Variants in ARSG observed in about 807,000 individuals in gnomAD.
The protein encoded by ARSG is ASG.
A neutral mutation model predicts 50.5 loss-of-function variants in ARSG; 37 were observed. The observed-to-expected ratio is 0.73, with a 90% CI of 0.56 to 0.96. The LOEUF is 0.96. Ranked by LOEUF, ARSG falls within the 50% of genes least tolerant of loss-of-function variation. The pLI is 0.00. For missense variants in ARSG, 629 were observed against 675.3 expected (o/e 0.93, Z 0.76); for synonymous variants, 225 against 254.6 (o/e 0.88, Z 1.11).
chr17:68,347,204 G>C (rs1321408698), intron 4 of ARSG, 32 bp downstream of exon 4: 10 of 1,606,466 alleles, frequency 6.2e-6, no homozygotes, highest in Non-Finnish European at 8.5e-6. Context: ...TGTTACCTGG[G>C]AAACAGAAAA....
At chr17:68,341,369 C>G (rs1231007078) in intron 2 of ARSG, among the ~76,000 whole-genome samples, 1 of 152,172 alleles carries the variant, frequency 6.6e-6, no homozygotes, top group African/African-American at 2.4e-5. Context: ...CAACATAGTC[C>G]AGAGATACTT....
intron 8 of ARSG, among the ~76,000 whole-genome samples, chr17:68,382,668 G>GT (rs888922418): frequency 1.3e-5 from 2 of 152,148 alleles, no homozygotes; most frequent in African/African-American, 4.8e-5. Flanking sequence ...TCAGATCTTT[G>GT]TAAGTTTTGT....
chr17:68,410,997 A>G (rs2081972491), intron 11 of ARSG, among the ~76,000 whole-genome samples: 1 of 151,788 alleles, frequency 6.6e-6, no homozygotes, highest in South Asian at 2.1e-4. Flanking sequence ...TATTGCATCT[A>G]TTTGATTCTT....
chr17:68,302,714 AATC>A (rs1339506607), intron 1 of ARSG, among the ~76,000 whole-genome samples: 1 of 152,262 alleles, frequency 6.6e-6, no homozygotes, highest in East Asian at 1.9e-4. Context: ...GAAGAATAGG[AATC>A]ATGGGTAAAG....
intron 2 of ARSG, among the ~76,000 whole-genome samples, chr17:68,313,394 G>A (rs1451457975): frequency 6.6e-6 from 1 of 152,100 alleles, no homozygotes; most frequent in Non-Finnish European, 1.5e-5. Flanking sequence ...CTGGATTCTG[G>A]TGCCTGCTGG....
intron 11 of ARSG, among the ~76,000 whole-genome samples, chr17:68,410,074 A>G (rs796627591): frequency 6.7e-6 from 1 of 150,240 alleles, no homozygotes; most frequent in Non-Finnish European, 1.5e-5. Context: ...GCAAACAGGG[A>G]CAATTTGACT....
chr17:68,280,980 A>G (rs8065158), intron 1 of ARSG, among the ~76,000 whole-genome samples: 75,950 of 151,680 alleles, frequency 0.5, 21,258 homozygotes, highest in African/African-American at 0.76. Context: ...CGAAAAATTA[A>G]CTGGGCCTGG....
At chr17:68,370,333 C>T (rs1383437811) in intron 7 of ARSG, 111 bp from the exon 8 acceptor site, 2 of 904,718 alleles carry the variant, frequency 2.2e-6, no homozygotes, top group African/African-American at 3.4e-5. Flanking sequence ...CTTTATAAGT[C>T]CTTTTTCTAT....
downstream of ARSG, chr17:68,422,165 C>A (rs768711144): frequency 9.1e-6 from 2 of 218,590 alleles, no homozygotes; most frequent in African/African-American, 2.3e-5. Context: ...CGGTGGCTCA[C>A]GCCTGTAATC....
chr17:68,293,952 C>T (rs1434719814), intron 1 of ARSG, among the ~76,000 whole-genome samples: 6 of 152,198 alleles, frequency 3.9e-5, no homozygotes, highest in Non-Finnish European at 7.3e-5. Flanking sequence ...GTGAAAACCC[C>T]TGCTTTTTTA....
the ARSG span, among the ~76,000 whole-genome samples, chr17:68,451,928 G>A: frequency 0.015 from 2,360 of 152,298 alleles, 20 homozygotes; most frequent in Non-Finnish European, 0.026. Flanking sequence ...GGCCCACAGG[G>A]AACAATGTGG....
rs782088485 is a variant in ARSG at position 68,271,244 on chromosome 17, G to A, written c.-552+11818G>A. 6.2e-7 allele frequency: 1 copy of A among 1,614,142 alleles called. No individual in the cohort carries two copies. The highest frequency in any genetic ancestry group is 8.5e-7 in the Non-Finnish European group (1 of 1,180,032). ...TACAAGGAAGGTGCAAAGAATCCCA[G>A]TGTTGCAAAGAGACCAAATAATGCA... On this transcript the variant is annotated intron_variant, in intron 1 of 11. Transcript: ENST00000448504. This position sits in a 1 kb window ranked among gnomAD's most constrained non-coding sequence, Gnocchi z 5.3.
At position 68,367,321 on chromosome 17, in the gene ARSG, TG is replaced by T. The variant is rs1392173074; in HGVS notation, c.705-1225del. On this transcript the variant is annotated intron_variant, in intron 6 of 11. Coordinates refer to ENST00000621439, the MANE Select transcript of ARSG (RefSeq NM_001267727.2). This position sits in a 1 kb window ranked among gnomAD's most constrained non-coding sequence, Gnocchi z 4.5. ...TGCAGGGGGGATTTGAGGGCACAGT[TG>T]GCTATAGAGCAAGGCTGTAAGGTGG... Among the ~76,000 whole-genome samples the T allele has an allele frequency of 6.6e-6, 1 of 152,090 alleles. No homozygotes were observed. Among genetic ancestry groups the T allele is most frequent in the African/African-American group, 2.4e-5 (1 of 41,418 alleles).
intron 4 of ARSG, 105 bp downstream of exon 4, chr17:68,347,277 A>G (rs1599818496): frequency 7.6e-7 from 1 of 1,311,302 alleles, no homozygotes; most frequent in East Asian, 2.3e-5. Context: ...GGCAACCCTA[A>G]GTTAGGACAT....
the ARSG span, chr17:68,429,949 A>G: frequency 6.2e-7 from 1 of 1,609,486 alleles, no homozygotes; most frequent in South Asian, 1.1e-5. Context: ...GGAAAAATAC[A>G]TTGACGAAAG....
intron 8 of ARSG, among the ~76,000 whole-genome samples, chr17:68,370,776 C>T (rs1036636467): frequency 8.5e-5 from 13 of 152,282 alleles, no homozygotes; most frequent in African/African-American, 3.1e-4. Flanking sequence ...AGGCGACCAG[C>T]CCTCCACCCA....
chr17:68,444,046 T>C, the ARSG span, among the ~76,000 whole-genome samples: 12 of 152,338 alleles, frequency 7.9e-5, no homozygotes, highest in African/African-American at 2.9e-4. Flanking sequence ...TTCTTTGTCA[T>C]GTAATAAAAC....
At chr17:68,382,419 A>G (rs1346069843) in intron 8 of ARSG, among the ~76,000 whole-genome samples, 12 of 152,226 alleles carry the variant, frequency 7.9e-5, no homozygotes, top group Admixed American at 7.8e-4. Flanking sequence ...TTAACTTGGT[A>G]CTTAGTAAGG....
At position 68,414,527 on chromosome 17, in the gene ARSG, G is replaced by C. The variant is rs1303163806; in HGVS notation, c.1304-5662G>C. Among the ~76,000 whole-genome samples the C allele has an allele frequency of 2.6e-5, 4 of 152,190 alleles. No individual in the cohort carries two copies. In the East Asian group the frequency reaches 7.7e-4, roughly 29 times the overall value. Reference sequence around the variant, plus strand: ...TGTCCTTTCCTGGTTGTAGTATTAGGGTGATTCTGGCTTCATAGAATGAAT... The same window carrying C: ...TGTCCTTTCCTGGTTGTAGTATTAGCGTGATTCTGGCTTCATAGAATGAAT... On this transcript the variant is annotated intron_variant, in intron 11 of 11. Coordinates refer to ENST00000621439, the MANE Select transcript of ARSG (RefSeq NM_001267727.2).
Sources: gnomAD v4.1 joint callset for allele counts (sites outside exome capture counted in the v4.1 genomes callset) on GRCh38, gnomAD v4.1.1 for gene constraint, Gnocchi (gnomAD v3.1) non-coding constraint, MANE v1.5 for transcripts, NCBI Gene and HGNC (gene_info 2026-07-23, HGNC 2026-07-21) for gene names.